ATG10: variants seen among roughly 807,000 people sequenced by gnomAD.
ATG10 encodes ubiquitin-like-conjugating enzyme ATG10.
Under a neutral mutation model 32.1 loss-of-function variants are expected in ATG10, and 30 were observed. The ratio of observed to expected loss-of-function variants is 0.94; its 90% CI spans 0.70 to 1.27. The LOEUF is 1.27. ATG10 is among the 50% of genes most tolerant of loss of function. The pLI, the probability that ATG10 is intolerant of heterozygous loss-of-function variation, is 0.00. For missense variants in ATG10, 233 were observed against 262.3 expected, an observed-to-expected ratio of 0.89 and a Z score of 0.77; for synonymous variants, 87 against 91.5, an observed-to-expected ratio of 0.95 and a Z score of 0.28.
intron 3 of ATG10, among the ~76,000 whole-genome samples, chr5:82,069,498 G>A (rs1447706142): frequency 6.6e-6 from 1 of 152,118 alleles, no homozygotes; most frequent in East Asian, 1.9e-4. Flanking sequence ...TTTCAAACTG[G>A]AATAGTGGTT....
chr5:82,136,664 C>G (rs559933453), intron 3 of ATG10, among the ~76,000 whole-genome samples: 5 of 152,254 alleles, frequency 3.3e-5, no homozygotes, highest in Admixed American at 2.0e-4. Flanking sequence ...TTCATTTCAG[C>G]CTTGGTGAAG....
chr5:82,053,225 C>T (rs1284783130), intron 2 of ATG10, among the ~76,000 whole-genome samples: 1 of 152,092 alleles, frequency 6.6e-6, no homozygotes, highest in African/African-American at 2.4e-5. Flanking sequence ...TTGCATTTTT[C>T]TTATGGCTAA....
At chr5:82,066,708 AG>A (rs1208427811) in intron 3 of ATG10, among the ~76,000 whole-genome samples, 2 of 152,196 alleles carry the variant, frequency 1.3e-5, no homozygotes, top group Non-Finnish European at 2.9e-5. Flanking sequence ...TGAGGTAACC[AG>A]GCCTTGAAAT....
At chr5:82,148,839 T>A (rs1330255699) in intron 3 of ATG10, among the ~76,000 whole-genome samples, 1 of 152,172 alleles carries the variant, frequency 6.6e-6, no homozygotes, top group South Asian at 2.1e-4. Flanking sequence ...CTTCTGTGAT[T>A]TCCATGTCAT....
intron 3 of ATG10, among the ~76,000 whole-genome samples, chr5:82,159,849 A>G (rs1039490534): frequency 5.3e-5 from 8 of 152,058 alleles, no homozygotes; most frequent in African/African-American, 1.9e-4. Flanking sequence ...TGTGCTTTCC[A>G]TTTTTTTATT....
chr5:82,084,087 A>C lies in ATG10; in HGVS notation c.216+25485A>C, dbSNP rs1764581500. ...ACAAAGAAGCTAAAAACCTGGAAAAAAGATTAGACGAATGGCTAACTAGAA... is the reference window on the plus strand; with the variant it reads ...ACAAAGAAGCTAAAAACCTGGAAAACAGATTAGACGAATGGCTAACTAGAA... On this transcript the variant is annotated intron_variant, in intron 3 of 7. Transcript: ENST00000282185. 2.0e-5 allele frequency among the ~76,000 whole-genome samples: 3 copies of C among 152,170 alleles called. No individual in the cohort carries two copies. In the South Asian group the frequency reaches 6.2e-4, roughly 32 times the overall value.
At chr5:82,151,332 A>G (rs143411094) in intron 3 of ATG10, among the ~76,000 whole-genome samples, 153 of 152,334 alleles carry the variant, frequency 1.0e-3, no homozygotes, top group African/African-American at 3.6e-3. Context: ...TATTACAGAC[A>G]TGAGTCACTG....
intron 3 of ATG10, among the ~76,000 whole-genome samples, chr5:82,091,533 C>G (rs915486545): frequency 6.6e-6 from 1 of 152,124 alleles, no homozygotes; most frequent in African/African-American, 2.4e-5. Context: ...TCTCTTTTAA[C>G]AGAGATCTTC....
chr5:82,063,404 T>G (rs1336421589), intron 3 of ATG10, among the ~76,000 whole-genome samples: 1 of 152,020 alleles, frequency 6.6e-6, no homozygotes, highest in African/African-American at 2.4e-5. Context: ...GTGATACCAG[T>G]AGAAGATACT....
intron 5 of ATG10, among the ~76,000 whole-genome samples, chr5:82,236,351 A>G (rs1288027055): frequency 6.6e-6 from 1 of 152,242 alleles, no homozygotes; most frequent in East Asian, 1.9e-4. Flanking sequence ...ATTATGTACA[A>G]CAAATTGATA....
intron 3 of ATG10, among the ~76,000 whole-genome samples, chr5:82,063,633 C>T (rs1327291644): frequency 6.6e-6 from 1 of 151,958 alleles, no homozygotes; most frequent in Non-Finnish European, 1.5e-5. Context: ...GCTGGGATTA[C>T]AGGCACCCAT....
rs137938910 is a variant in ATG10 at position 82,137,238 on chromosome 5, A to G, written c.217-27161A>G. The stretch of plus-strand genomic sequence containing the variant: ...AAATTCATCAAACTCATTCTCCATC[A>G]AGTTTTGTTCCCTTGCTGGCAAGCA... On this transcript the variant is annotated intron_variant, in intron 3 of 7. Transcript: ENST00000282185. Among the ~76,000 whole-genome samples the G allele has an allele frequency of 1.6e-4, 24 of 152,072 alleles. No individual in the cohort carries two copies. The East Asian group carries it at 4.3e-3, about 27-fold the overall frequency.
At chr5:81,995,696 T>G (rs574584315) in intron 2 of ATG10, among the ~76,000 whole-genome samples, 3 of 151,966 alleles carry the variant, frequency 2.0e-5, no homozygotes, top group Non-Finnish European at 4.4e-5. Context: ...AAATGGTGGC[T>G]GAGGTGAAAA....
chr5:82,097,183 T>C (rs1259476441), intron 3 of ATG10, among the ~76,000 whole-genome samples: 2 of 152,160 alleles, frequency 1.3e-5, no homozygotes, highest in East Asian at 1.9e-4. Context: ...GCTGTCTAAA[T>C]ACAAATTATT....
At chr5:81,991,400 T>G (rs1761452340) in intron 2 of ATG10, among the ~76,000 whole-genome samples, 1 of 152,224 alleles carries the variant, frequency 6.6e-6, no homozygotes, top group Non-Finnish European at 1.5e-5. Flanking sequence ...TATTAAGTTT[T>G]GACGTATCTA....
intron 3 of ATG10, among the ~76,000 whole-genome samples, chr5:82,113,844 C>G (rs1765693806): frequency 6.6e-6 from 1 of 151,916 alleles, no homozygotes; most frequent in Non-Finnish European, 1.5e-5. Flanking sequence ...CCTTAAGGTA[C>G]TCACTTCTTA....
At chr5:81,990,800 C>A (rs536806444) in intron 2 of ATG10, among the ~76,000 whole-genome samples, 4 of 152,300 alleles carry the variant, frequency 2.6e-5, no homozygotes, top group Middle Eastern at 3.4e-3. Flanking sequence ...GACCAGAGTG[C>A]ATGGCCTATT....
chr5:82,229,321 A>G (rs1309423446), intron 5 of ATG10, among the ~76,000 whole-genome samples: 1 of 152,206 alleles, frequency 6.6e-6, no homozygotes, highest in Non-Finnish European at 1.5e-5. Flanking sequence ...AACATGCTAG[A>G]AAGGAACTAT....
intron 3 of ATG10, among the ~76,000 whole-genome samples, chr5:82,137,242 T>G (rs1766797590): frequency 6.6e-6 from 1 of 152,158 alleles, no homozygotes; most frequent in South Asian, 2.1e-4. Context: ...TCCATCAAGT[T>G]TTGTTCCCTT....
Sources: allele counts gnomAD v4.1 joint callset (sites outside exome capture counted in the v4.1 genomes callset), GRCh38; gene constraint gnomAD v4.1.1; transcripts MANE v1.5; gene names NCBI Gene and HGNC (gene_info 2026-07-23, HGNC 2026-07-21).